Variants in RAPGEF6 observed in about 807,000 individuals in gnomAD.
The protein encoded by RAPGEF6 is Rap guanine nucleotide exchange factor 6, also known as PDZ domain containing guanine nucleotide exchange factor (GEF) 2.
RAPGEF6 carries 56 observed loss-of-function variants against 171.4 expected under a neutral mutation model. The observed-to-expected ratio is 0.33, with a 90% CI of 0.26 to 0.41. RAPGEF6 has a LOEUF of 0.41. Ranked by LOEUF, RAPGEF6 falls within the 10% of genes least tolerant of loss-of-function variation. The pLI, the probability that RAPGEF6 is intolerant of heterozygous loss-of-function variation, is 1.00. For missense variants in RAPGEF6, 1,674 were observed against 1,921.4 expected (o/e 0.87, Z 2.41); for synonymous variants, 692 against 650.1 (o/e 1.06, Z -0.98).
intron 6 of RAPGEF6, among the ~76,000 whole-genome samples, chr5:131,541,028 T>C (rs1269085563): frequency 6.6e-6 from 1 of 152,248 alleles, no homozygotes; most frequent in African/African-American, 2.4e-5. Flanking sequence ...CGTTATATGC[T>C]ATTTAAAATG....
intron 27 of RAPGEF6, 120 bp downstream of exon 27, chr5:131,428,782 T>C: frequency 8.8e-7 from 1 of 1,138,250 alleles, no homozygotes; most frequent in Non-Finnish European, 1.2e-6. Flanking sequence ...TCTTACTTTT[T>C]AACAGAGATT....
At chr5:131,598,399 T>C (rs1020654194) in intron 3 of RAPGEF6, among the ~76,000 whole-genome samples, 11 of 152,106 alleles carry the variant, frequency 7.2e-5, no homozygotes, top group Non-Finnish European at 1.6e-4. Flanking sequence ...TTTAAAATAC[T>C]CTGTAAGAAT....
At chr5:131,478,412 C>A (rs1338680683) in intron 16 of RAPGEF6, among the ~76,000 whole-genome samples, 1 of 152,160 alleles carries the variant, frequency 6.6e-6, no homozygotes, top group Non-Finnish European at 1.5e-5. Flanking sequence ...AAGAACAGAT[C>A]TTATCAAATC....
rs968510545 is a variant in RAPGEF6, at chr5:131,473,007, C to T, written c.2082-263G>A. The T allele has an allele frequency of 1.1e-5, 4 of 368,618 alleles. No homozygotes were observed. In the East Asian group the frequency reaches 2.1e-4, roughly 19 times the overall value. The allele number at this position is 368,618 out of a possible 1,614,324, so 22.8% of individuals were successfully genotyped here. A position where few individuals can be genotyped will look rare whatever the true frequency, so the allele number is the denominator to read the frequency against. On this transcript the variant is annotated intron_variant, in intron 16 of 27. Coordinates refer to ENST00000509018, the MANE Select transcript of RAPGEF6 (RefSeq NM_016340.6). ...ATTAAATTGTCTTATTTAGTGTCTA[C>T]CAGTTTGGGTGAAGAAACTGAACCT...
rs34020762 is a variant in RAPGEF6, at chr5:131,430,929, G to T, written c.4395C>A (p.Gly1465=). 12,692 of 1,613,936 alleles carry T rather than the reference G, an allele frequency of 7.9e-3. 73 individuals are homozygous for T. The highest frequency in any genetic ancestry group is 0.011 in the South Asian group (1,047 of 91,074). Residue 1465 remains glycine (G), a synonymous_variant, in exon 26 of 28, where the codon GGC becomes GGA. Transcript: ENST00000509018. The part of the protein sequence containing the change: ...LESTPAESSE[G]LDPKDATDPV... ...GGTCAGTGGCATCCTTGGGGTCCAA[G>T]CCTTCAGATGACTCAGCTGGGGTGC...
chr5:131,571,846 T>C (rs1035181018), intron 4 of RAPGEF6, among the ~76,000 whole-genome samples: 33 of 152,068 alleles, frequency 2.2e-4, no homozygotes, highest in Non-Finnish European at 4.4e-5. Flanking sequence ...ATCGTGACAT[T>C]CCCGCCACCA....
intron 4 of RAPGEF6, among the ~76,000 whole-genome samples, chr5:131,564,179 A>T (rs1761781543): frequency 6.6e-6 from 1 of 152,198 alleles, no homozygotes; most frequent in Non-Finnish European, 1.5e-5. Context: ...GGGGAAAGAT[A>T]CTTAGAATTT....
chr5:131,544,088 T>G (rs1024299611), intron 6 of RAPGEF6, among the ~76,000 whole-genome samples: 10 of 152,144 alleles, frequency 6.6e-5, no homozygotes, highest in Admixed American at 5.9e-4. Context: ...ACTGTCATTT[T>G]CAAAGAACAC....
chr5:131,570,877 T>C (rs1762236758), intron 4 of RAPGEF6, among the ~76,000 whole-genome samples: 1 of 151,196 alleles, frequency 6.6e-6, no homozygotes, highest in African/African-American at 2.4e-5. Flanking sequence ...AATTTAGAGC[T>C]AAGATTACAG....
chr5:131,460,403 C>T (rs1753833926), intron 19 of RAPGEF6, among the ~76,000 whole-genome samples: 1 of 152,088 alleles, frequency 6.6e-6, no homozygotes, highest in Admixed American at 6.6e-5. Context: ...TTCTTTCTAC[C>T]CTCTTTTTTA....
intron 7 of RAPGEF6, among the ~76,000 whole-genome samples, chr5:131,511,564 T>G (rs932622589): frequency 6.6e-6 from 1 of 150,856 alleles, no homozygotes; most frequent in South Asian, 2.1e-4. Flanking sequence ...ACTGCAGATC[T>G]CGGCTCACTG....
intron 6 of RAPGEF6, among the ~76,000 whole-genome samples, chr5:131,539,736 G>A (rs536685616): frequency 2.6e-4 from 40 of 152,298 alleles, no homozygotes; most frequent in African/African-American, 9.1e-4. Flanking sequence ...GAGCTGCATT[G>A]ACAAATGTAC....
At chr5:131,533,121 G>A (rs1392794619) in intron 6 of RAPGEF6, 2 of 150,456 alleles carry the variant, frequency 1.3e-5, no homozygotes, top group Admixed American at 1.3e-4. Context: ...TAGATCAATT[G>A]GCTACTGTAT....
chr5:131,521,648 T>C (rs1367828161), intron 6 of RAPGEF6, 127 bp from the exon 7 acceptor site: 1 of 759,534 alleles, frequency 1.3e-6, no homozygotes, highest in Non-Finnish European at 1.9e-6. Context: ...GTTCTCTACT[T>C]TCAGCAAAAA....
chr5:131,500,317 C>G (rs889259024), intron 11 of RAPGEF6, among the ~76,000 whole-genome samples: 1 of 152,172 alleles, frequency 6.6e-6, no homozygotes, highest in Admixed American at 6.5e-5. Context: ...CCAAAACATT[C>G]TAAGCCTAAG....
Position 131,462,021 on chromosome 5 carries a change from T to C in RAPGEF6, c.2548A>G (p.Lys850Glu), listed in dbSNP as rs781397308. 7 of 1,613,624 alleles carry C rather than the reference T, an allele frequency of 4.3e-6. No individual in the cohort carries two copies. Among genetic ancestry groups the C allele is most frequent in the South Asian group, 2.2e-5 (2 of 90,966 alleles). The part of the protein sequence containing the change: ...CSDEDAQELV[K>E]ESQLSMLQLS... Reference sequence around the variant, plus strand: ...TGCAGCATGGATAGCTGGCTTTCCTTAACTAGTTCTTGAGCATCTTCATCT... The same window carrying C: ...TGCAGCATGGATAGCTGGCTTTCCTCAACTAGTTCTTGAGCATCTTCATCT... The change falls in exon 19 of 28, where the codon AAG (lysine) becomes GAG (glutamate). Residue 850 changes from lysine to glutamate, a missense_variant. Lys to Glu is a moderately conservative substitution (Grantham distance 56). Around this residue, in one of 3 missense-constraint regions of RAPGEF6, gnomAD observed 1,116 missense variants for 1,321.5 expected, o/e 0.84. Transcript: ENST00000509018.
intron 22 of RAPGEF6, among the ~76,000 whole-genome samples, chr5:131,446,127 G>A (rs1580834856): frequency 6.6e-6 from 1 of 151,980 alleles, no homozygotes; most frequent in Non-Finnish European, 1.5e-5. Context: ...ATATTTTCTA[G>A]TTGGTAAATA....
intron 5 of RAPGEF6, among the ~76,000 whole-genome samples, chr5:131,560,852 G>A (rs1761554202): frequency 6.6e-6 from 1 of 152,176 alleles, no homozygotes; most frequent in Admixed American, 6.5e-5. Flanking sequence ...TCCAGTTTAA[G>A]AAAGAGAAAA....
Position 131,454,911 on chromosome 5 carries a change from T to C in RAPGEF6, c.3076+890A>G, listed in dbSNP as rs75149341. 1.8e-3 allele frequency among the ~76,000 whole-genome samples: 269 copies of C among 152,260 alleles called. 2 individuals carry two copies. The East Asian group carries it at 0.02, about 11-fold the overall frequency. On this transcript the variant is annotated intron_variant, in intron 20 of 27. Coordinates refer to ENST00000509018, the MANE Select transcript of RAPGEF6 (RefSeq NM_016340.6). ...TAAGCTAACTTCTCAACATTAACAG[T>C]GGAAGGCACAGAACAATGGAATGTC... is the stretch of plus-strand genomic sequence containing the variant.
Sources: allele counts gnomAD v4.1 joint callset (sites outside exome capture counted in the v4.1 genomes callset), GRCh38; gene constraint gnomAD v4.1.1; regional missense constraint gnomAD v4.1.1; transcripts MANE v1.5; gene names NCBI Gene and HGNC (gene_info 2026-07-23, HGNC 2026-07-21).